Variants in DPH6 observed in about 807,000 individuals in gnomAD.
DPH6 encodes the protein diphthine--ammonia ligase.
In DPH6, 33 loss-of-function variants were observed where a neutral mutation model predicts 38.2. That is an observed-to-expected ratio of 0.86 (90% CI 0.65 to 1.15). The LOEUF is 1.15. Among genes scored for constraint, DPH6 ranks in the 50% most tolerant of loss-of-function variants. The probability of loss-of-function intolerance (pLI) is 0.00; values close to 1 mark genes in which losing one functional copy is unlikely to be tolerated. For missense variants in DPH6, 325 were observed against 320.0 expected, an observed-to-expected ratio of 1.02 and a Z score of -0.12; for synonymous variants, 108 against 103.0, an observed-to-expected ratio of 1.05 and a Z score of -0.30.
intron 3 of DPH6, among the ~76,000 whole-genome samples, chr15:35,508,363 C>T (rs539581794): frequency 1.6e-4 from 24 of 152,244 alleles, no homozygotes; most frequent in Admixed American, 1.0e-3. Context: ...AATGCAGTAA[C>T]TAGTTGCTCT....
the DPH6 span, among the ~76,000 whole-genome samples, chr15:35,198,859 A>G: frequency 1.3e-5 from 2 of 152,224 alleles, no homozygotes; most frequent in Non-Finnish European, 2.9e-5. Flanking sequence ...TCCTATAAAT[A>G]GTAACACTTC....
At chr15:35,521,647 T>C in intron 3 of DPH6, 2 of 1,230,582 alleles carry the variant, frequency 1.6e-6, no homozygotes, top group Non-Finnish European at 2.0e-6. Context: ...ATTTTTAATA[T>C]GCAGGATATT....
chr15:35,186,788 A>T, the DPH6 span, among the ~76,000 whole-genome samples: 1 of 152,224 alleles, frequency 6.6e-6, no homozygotes, highest in African/African-American at 2.4e-5. Flanking sequence ...AAACATTCTG[A>T]CCATGTTGGC....
rs139931877 is a variant in DPH6, at chr15:35,373,575, A to G, written c.696T>C (p.Asp232=). 2 of 1,609,146 alleles carry G rather than the reference A, an allele frequency of 1.2e-6. No individual in the cohort carries two copies. Among genetic ancestry groups the G allele is most frequent in the Non-Finnish European group, 1.7e-6 (2 of 1,177,644 alleles). Residue 232 remains aspartate, a synonymous_variant, in exon 8 of 9, where the codon GAT becomes GAC. Coordinates refer to ENST00000256538, the MANE Select transcript of DPH6 (RefSeq NM_080650.4). ...GTAGATAAGCCACAGGTGCAAATGCATCAGCTGAATGTATGACTACTTCTG... is the reference window on the plus strand; with the variant it reads ...GTAGATAAGCCACAGGTGCAAATGCGTCAGCTGAATGTATGACTACTTCTG... The part of the protein sequence containing the change: ...DSSEVVIHSA[D]AFAPVAYLRF...
chr15:35,320,414 GC>G (rs1956436501), intron 3 of DPH6, among the ~76,000 whole-genome samples: 1 of 152,064 alleles, frequency 6.6e-6, no homozygotes, highest in South Asian at 2.1e-4. Flanking sequence ...CTCTTTTGGG[GC>G]CCATAAGTCA....
At chr15:35,533,641 A>T (rs1444098159) in intron 3 of DPH6, among the ~76,000 whole-genome samples, 4 of 151,508 alleles carry the variant, frequency 2.6e-5, no homozygotes, top group Non-Finnish European at 5.9e-5. Context: ...TCAATAATAA[A>T]AAATAATTGT....
At chr15:35,252,927 T>C (rs1047578696) in intron 3 of DPH6, among the ~76,000 whole-genome samples, 1 of 152,222 alleles carries the variant, frequency 6.6e-6, no homozygotes, top group South Asian at 2.1e-4. Context: ...ATTAGAGTTG[T>C]ATCAACCTTC....
intron 3 of DPH6, among the ~76,000 whole-genome samples, chr15:35,491,790 T>C (rs2054484435): frequency 6.7e-6 from 1 of 150,290 alleles, no homozygotes; most frequent in African/African-American, 2.4e-5. Context: ...GACATATTTT[T>C]ATATATATTT....
intron 3 of DPH6, among the ~76,000 whole-genome samples, chr15:35,485,649 C>T (rs984015021): frequency 5.9e-5 from 9 of 152,196 alleles, no homozygotes; most frequent in Non-Finnish European, 1.3e-4. Flanking sequence ...CTTGCCCATG[C>T]TTTATTTTCC....
the DPH6 span, among the ~76,000 whole-genome samples, chr15:35,164,122 A>T: frequency 6.6e-6 from 1 of 151,862 alleles, no homozygotes; most frequent in Non-Finnish European, 1.5e-5. Flanking sequence ...CAGTAGATGT[A>T]ATTACTGTGC....
rs149455437 is a variant in DPH6 at position 35,250,536 on chromosome 15, G to C, written n.201-29954C>G. On this transcript the variant is annotated intron_variant and non_coding_transcript_variant, in intron 3 of 3. Transcript: ENST00000560386. ...TTGAAGATAAAGGAAACATGCAAAAGGTTCTTACATGATATTTTATAACTA... is the reference window on the plus strand; with the variant it reads ...TTGAAGATAAAGGAAACATGCAAAACGTTCTTACATGATATTTTATAACTA... Among the ~76,000 whole-genome samples, 471 of 152,156 alleles carry C rather than the reference G, an allele frequency of 3.1e-3. 1 individual carries two copies. The highest frequency in any genetic ancestry group is 0.011 in the African/African-American group (445 of 41,504).
intron 3 of DPH6, among the ~76,000 whole-genome samples, chr15:35,482,200 C>A (rs944135303): frequency 2.6e-5 from 4 of 152,168 alleles, no homozygotes; most frequent in African/African-American, 4.8e-5. Flanking sequence ...ACTGAAAAAA[C>A]CAGTGACTCA....
At chr15:35,537,460 CAAATAG>C (rs1292758200) in intron 3 of DPH6, among the ~76,000 whole-genome samples, 33 of 152,042 alleles carry the variant, frequency 2.2e-4, no homozygotes, top group Non-Finnish European at 3.8e-4. Flanking sequence ...GAACTGTATT[CAAATAG>C]TTGGCTATCA....
chr15:35,239,451 A>T (rs1005517251), intron 3 of DPH6, among the ~76,000 whole-genome samples: 4 of 144,122 alleles, frequency 2.8e-5, no homozygotes, highest in Admixed American at 7.4e-5. Context: ...CTCTGATTAT[A>T]CACCCACGTT....
intron 1 of DPH6, among the ~76,000 whole-genome samples, chr15:35,544,349 G>T (rs1485692315): frequency 6.7e-6 from 1 of 150,304 alleles, no homozygotes; most frequent in Non-Finnish European, 1.5e-5. Context: ...ACTGGGGCCT[G>T]TGGGGGTTTG....
intron 3 of DPH6, among the ~76,000 whole-genome samples, chr15:35,263,326 A>C (rs567134239): frequency 2.2e-4 from 34 of 152,122 alleles, no homozygotes; most frequent in Non-Finnish European, 4.3e-4. Flanking sequence ...GTTCCTCTGA[A>C]CTCATAAGAA....
intron 3 of DPH6, among the ~76,000 whole-genome samples, chr15:35,341,424 G>A (rs1176554962): frequency 6.6e-6 from 1 of 152,164 alleles, no homozygotes; most frequent in East Asian, 1.9e-4. Context: ...GAGTGGTGTT[G>A]CAGTCATTTG....
At chr15:35,215,608 T>G (rs565711073), downstream of DPH6, among the ~76,000 whole-genome samples, 12 of 152,268 alleles carry the variant, frequency 7.9e-5, no homozygotes, top group Non-Finnish European at 1.8e-4. Context: ...AGGCTGGTCT[T>G]AAACTCCTGG....
chr15:35,199,698 T>C, the DPH6 span, among the ~76,000 whole-genome samples: 15 of 151,742 alleles, frequency 9.9e-5, no homozygotes, highest in Non-Finnish European at 1.8e-4. Flanking sequence ...TAGAGATTGC[T>C]TATGTCAGAA....
Sources: gnomAD v4.1 joint callset for allele counts (sites outside exome capture counted in the v4.1 genomes callset) on GRCh38, gnomAD v4.1.1 for gene constraint, MANE v1.5 for transcripts, NCBI Gene and HGNC (gene_info 2026-07-23, HGNC 2026-07-21) for gene names.